The following LRP12 variants were observed in gnomAD, a reference collection of about 807,000 sequenced individuals.
LRP12 encodes the protein LDL receptor related protein 12, also known as low-density lipoprotein receptor-related protein 12.
A neutral mutation model predicts 66.0 loss-of-function variants in LRP12; 14 were observed. The ratio of observed to expected loss-of-function variants is 0.21; its 90% CI spans 0.14 to 0.33. The LOEUF (loss-of-function observed/expected upper bound fraction) is 0.33, where lower values mean the gene tolerates loss of function less well. Ranked by LOEUF, LRP12 falls within the 10% of genes least tolerant of loss-of-function variation. LRP12 has a pLI of 1.00. For synonymous variants in LRP12, 357 were observed against 359.1 expected, an observed-to-expected ratio of 0.99 and a Z score of 0.07; for missense variants, 889 against 1,053.4, an observed-to-expected ratio of 0.84 and a Z score of 2.16.
At chr8:104,513,130 T>C (rs796876423) in intron 2 of LRP12, among the ~76,000 whole-genome samples, 13 of 152,290 alleles carry the variant, frequency 8.5e-5, no homozygotes, top group African/African-American at 3.1e-4. Context: ...ACAGCCATAA[T>C]GTATTCCTTT....
Position 104,569,957 on chromosome 8 carries a change from C to T in LRP12, c.79+18862G>A, listed in dbSNP as rs531058272. On this transcript the variant is annotated intron_variant, in intron 1 of 6. Coordinates refer to ENST00000276654, the MANE Select transcript of LRP12 (RefSeq NM_013437.5). ...CCTAGAACTAATAAGTGAGTTTAGACACAGGGTCAACACAAAAATCAATCA... is the reference window on the plus strand; with the variant it reads ...CCTAGAACTAATAAGTGAGTTTAGATACAGGGTCAACACAAAAATCAATCA... 1.3e-4 allele frequency among the ~76,000 whole-genome samples: 20 copies of T among 152,216 alleles called. No homozygotes were observed. In the South Asian group the frequency reaches 1.7e-3, roughly 13 times the overall value.
intron 1 of LRP12, among the ~76,000 whole-genome samples, chr8:104,573,954 T>C (rs1480588419): frequency 6.6e-6 from 1 of 152,112 alleles, no homozygotes; most frequent in Non-Finnish European, 1.5e-5. Context: ...AAATATATCA[T>C]TAGCAAGGTG....
At chr8:104,566,615 C>T (rs1812008249) in intron 1 of LRP12, among the ~76,000 whole-genome samples, 1 of 152,174 alleles carries the variant, frequency 6.6e-6, no homozygotes, top group Non-Finnish European at 1.5e-5. Flanking sequence ...TTGTAAAGTA[C>T]TCACACAAAT....
chr8:104,548,266 GATATATATTATATTA>G (rs1441913513), intron 1 of LRP12, among the ~76,000 whole-genome samples: 1 of 88,498 alleles, frequency 1.1e-5, no homozygotes, highest in African/African-American at 5.1e-5. Context: ...ATTAATATAT[GATATATATTATATTA>G]ATATATCATA....
chr8:104,583,853 C>T (rs753925557), intron 1 of LRP12, among the ~76,000 whole-genome samples: 1 of 152,146 alleles, frequency 6.6e-6, no homozygotes, highest in East Asian at 1.9e-4. Context: ...AGACTAATCA[C>T]GCATCTTTCA....
intron 1 of LRP12, among the ~76,000 whole-genome samples, chr8:104,584,862 T>C (rs1164690402): frequency 1.3e-5 from 2 of 152,238 alleles, no homozygotes; most frequent in Non-Finnish European, 2.9e-5. Flanking sequence ...CATGTTCCAG[T>C]TACTTCTACA....
intron 2 of LRP12, among the ~76,000 whole-genome samples, chr8:104,527,543 G>T (rs1434873316): frequency 6.6e-6 from 1 of 151,240 alleles, no homozygotes; most frequent in East Asian, 1.9e-4. Flanking sequence ...GGACATGGAT[G>T]AAATTGGAAA....
At position 104,588,968 on chromosome 8, in the gene LRP12, C is replaced by A. The variant is rs878864561; in HGVS notation, c.-71G>T. On this transcript the variant is annotated 5_prime_UTR_variant, in exon 1 of 7. Transcript: ENST00000276654. ...AGGAGAAGCTGGAGGTAGACGACGC[C>A]GACGCCGCCGCCGCCGCCGCCGCCG... 5 of 570,860 alleles carry A rather than the reference C, an allele frequency of 8.8e-6. No individual in the cohort carries two copies. In the South Asian group the frequency reaches 1.4e-4, roughly 16 times the overall value. The allele number at this position is 570,860 out of a possible 1,614,324, so 35.4% of individuals were successfully genotyped here.
intron 2 of LRP12, among the ~76,000 whole-genome samples, chr8:104,525,493 A>C (rs2140857085): frequency 6.6e-6 from 1 of 152,308 alleles, no homozygotes; most frequent in Admixed American, 6.5e-5. Flanking sequence ...AAAATATATT[A>C]TTAATTAGAA....
At chr8:104,555,330 T>G (rs959976341) in intron 1 of LRP12, among the ~76,000 whole-genome samples, 15 of 152,064 alleles carry the variant, frequency 9.9e-5, no homozygotes, top group Admixed American at 2.0e-4. Context: ...AATACCAACA[T>G]CGAAGGTAAA....
intron 1 of LRP12, among the ~76,000 whole-genome samples, chr8:104,539,311 T>C (rs1811436757): frequency 6.6e-6 from 1 of 152,194 alleles, no homozygotes; most frequent in African/African-American, 2.4e-5. Flanking sequence ...AAAATATTAG[T>C]GGATGAAATG....
chr8:104,571,173 A>G (rs958186529), intron 1 of LRP12, among the ~76,000 whole-genome samples: 4 of 152,164 alleles, frequency 2.6e-5, no homozygotes, highest in Non-Finnish European at 5.9e-5. Flanking sequence ...GAAAAAGTTA[A>G]GCATGTATGT....
At chr8:104,494,370 CAA>C (rs1472807281) in intron 6 of LRP12, among the ~76,000 whole-genome samples, 30 of 151,900 alleles carry the variant, frequency 2.0e-4, no homozygotes, top group African/African-American at 7.0e-4. Flanking sequence ...TCACATTTAC[CAA>C]AAAGGAGATG....
intron 2 of LRP12, among the ~76,000 whole-genome samples, chr8:104,518,483 C>T (rs557645114): frequency 1.3e-5 from 2 of 151,962 alleles, no homozygotes; most frequent in African/African-American, 4.8e-5. Flanking sequence ...GGAAAAATTA[C>T]CAGGGAGGTG....
chr8:104,576,475 A>G (rs945848865), intron 1 of LRP12, among the ~76,000 whole-genome samples: 1 of 152,236 alleles, frequency 6.6e-6, no homozygotes, highest in Non-Finnish European at 1.5e-5. Context: ...AAAATTCTTA[A>G]AGAAATTCCA....
chr8:104,490,850 A>G lies in LRP12; in HGVS notation c.2403T>C (p.Asp801=), dbSNP rs1225009740. ...ATGGTTGTCTAAGCCCTTGTCCTTGATCTGAGGCAAGATCAAGAAGAGGTC... is the reference window on the plus strand; with the variant it reads ...ATGGTTGTCTAAGCCCTTGTCCTTGGTCTGAGGCAAGATCAAGAAGAGGTC... The part of the protein sequence containing the change: ...CSRPLLDLAS[D]QGQGLRQPYN... The change falls in exon 7 of 7, where the codon GAT becomes GAC. Residue 801 remains aspartate (D), a synonymous_variant. Coordinates refer to ENST00000276654, the MANE Select transcript of LRP12 (RefSeq NM_013437.5). 6.2e-7 allele frequency: 1 copy of G among 1,614,124 alleles called. No individual in the cohort carries two copies. Among genetic ancestry groups the G allele is most frequent in the South Asian group, 1.1e-5 (1 of 91,076 alleles).
chr8:104,548,495 A>T (rs1437668438), intron 1 of LRP12, among the ~76,000 whole-genome samples: 19 of 127,074 alleles, frequency 1.5e-4, no homozygotes, highest in African/African-American at 5.8e-4. Context: ...TTTGTATCTA[A>T]TATATAATTC....
In LRP12 at chr8:104,492,762, A is replaced by G. The variant is rs567294729; in HGVS notation, c.1714-1223T>C. 2.7e-4 allele frequency among the ~76,000 whole-genome samples: 41 copies of G among 152,296 alleles called. No individual in the cohort carries two copies. In the South Asian group the frequency reaches 7.9e-3, roughly 29 times the overall value. On this transcript the variant is annotated intron_variant, in intron 6 of 6. Coordinates refer to ENST00000276654, the MANE Select transcript of LRP12 (RefSeq NM_013437.5). ...AACATTAGTAAGGCACAGATTGTCA[A>G]TAAGAAATTTGGATATCAGCACACA...
chr8:104,490,487 A>C lies in LRP12; in HGVS notation c.*186T>G, dbSNP rs1810600774. On this transcript the variant is annotated 3_prime_UTR_variant, in exon 7 of 7. Coordinates refer to ENST00000276654, the MANE Select transcript of LRP12 (RefSeq NM_013437.5). ...ATATGTGATGCATTTTTAGCTGCTAAAATAGTAAACTCTAAGTTCATAGAG... is the reference window on the plus strand; with the variant it reads ...ATATGTGATGCATTTTTAGCTGCTACAATAGTAAACTCTAAGTTCATAGAG... 3.3e-6 allele frequency: 2 copies of C among 597,768 alleles called. No homozygotes were observed. Among genetic ancestry groups the C allele is most frequent in the Non-Finnish European group, 5.7e-6 (2 of 353,872 alleles). The allele number at this position is 597,768 out of a possible 1,614,324, so 37.0% of individuals were successfully genotyped here.
Sources: allele counts gnomAD v4.1 joint callset (sites outside exome capture counted in the v4.1 genomes callset), GRCh38; gene constraint gnomAD v4.1.1; transcripts MANE v1.5; gene names NCBI Gene and HGNC (gene_info 2026-07-23, HGNC 2026-07-21).